The following MDGA2 variants were observed in gnomAD, a reference collection of about 807,000 sequenced individuals.
MDGA2 encodes MAM domain-containing glycosylphosphatidylinositol anchor protein 2.
A neutral mutation model predicts 117.8 loss-of-function variants in MDGA2; 40 were observed. That is an observed-to-expected ratio of 0.34 (90% CI 0.26 to 0.44). The LOEUF is 0.44. Ranked by LOEUF, MDGA2 falls within the 20% of genes least tolerant of loss-of-function variation. The pLI is 1.00. For synonymous variants in MDGA2, 452 were observed against 439.0 expected (o/e 1.03, Z -0.37); for missense variants, 1,123 against 1,250.6 (o/e 0.90, Z 1.54).
At chr14:47,615,559 C>T (rs925509266) in intron 1 of MDGA2, among the ~76,000 whole-genome samples, 1 of 152,100 alleles carries the variant, frequency 6.6e-6, no homozygotes, top group Non-Finnish European at 1.5e-5. Flanking sequence ...TTCCAATATC[C>T]TAAGCCAGTT....
intron 1 of MDGA2, among the ~76,000 whole-genome samples, chr14:47,349,223 G>A (rs1890826099): frequency 6.6e-6 from 1 of 152,208 alleles, no homozygotes; most frequent in South Asian, 2.1e-4. Flanking sequence ...TCAGAGGGCA[G>A]TAAAGTTTAC....
chr14:47,104,703 G>C (rs1204159104), intron 5 of MDGA2, among the ~76,000 whole-genome samples: 1 of 152,052 alleles, frequency 6.6e-6, no homozygotes, highest in Admixed American at 6.5e-5. Context: ...CTCAGATCGG[G>C]GGACCTCCCT....
At chr14:47,535,170 C>T (rs913830025) in intron 1 of MDGA2, among the ~76,000 whole-genome samples, 2 of 152,102 alleles carry the variant, frequency 1.3e-5, no homozygotes, top group East Asian at 3.9e-4. Flanking sequence ...TAAAAAGCAG[C>T]TATGTACATT....
chr14:47,570,646 G>A (rs1302808443), intron 1 of MDGA2, among the ~76,000 whole-genome samples: 1 of 152,082 alleles, frequency 6.6e-6, no homozygotes, highest in African/African-American at 2.4e-5. Context: ...ACAGAAACAA[G>A]CAATGGGGAA....
chr14:47,620,203 T>G (rs1238752645), intron 1 of MDGA2, among the ~76,000 whole-genome samples: 1 of 152,232 alleles, frequency 6.6e-6, no homozygotes, highest in Non-Finnish European at 1.5e-5. Context: ...GAATATTTTA[T>G]CAAACTATGA....
At chr14:47,338,817 G>C (rs147167341) in intron 1 of MDGA2, among the ~76,000 whole-genome samples, 207 of 152,174 alleles carry the variant, frequency 1.4e-3, no homozygotes, top group African/African-American at 4.9e-3. Flanking sequence ...TGAAATATTT[G>C]CAAGTATGTC....
chr14:47,068,909 G>A (rs1890178710), intron 6 of MDGA2, among the ~76,000 whole-genome samples: 1 of 152,014 alleles, frequency 6.6e-6, no homozygotes, highest in East Asian at 1.9e-4. Flanking sequence ...CGTAAGCGGT[G>A]CCCTTTCCCT....
chr14:47,611,669 C>G (rs762556834), intron 1 of MDGA2, among the ~76,000 whole-genome samples: 2 of 152,124 alleles, frequency 1.3e-5, no homozygotes, highest in Non-Finnish European at 2.9e-5. Context: ...CACTTTACTC[C>G]TGCCAAAATG....
intron 3 of MDGA2, among the ~76,000 whole-genome samples, chr14:47,164,106 A>C (rs879645374): frequency 5.3e-5 from 8 of 152,216 alleles, no homozygotes; most frequent in African/African-American, 7.2e-5. Flanking sequence ...TAGTTGATTA[A>C]TTTAAATCAG....
rs148325973 is a variant in MDGA2 at position 47,257,278 on chromosome 14, T to C, written c.421-39083A>G. ...CACACCAGTCCTCTCACAATGACAT[T>C]TTCCTCGGTAATATTTGTGTGATCT... On this transcript the variant is annotated intron_variant, in intron 2 of 16. Transcript: ENST00000399232. Among the ~76,000 whole-genome samples the C allele has an allele frequency of 1.9e-3, 283 of 152,220 alleles. 1 individual carries two copies. The highest frequency in any genetic ancestry group is 6.4e-3 in the African/African-American group (266 of 41,552).
intron 6 of MDGA2, among the ~76,000 whole-genome samples, chr14:47,063,233 C>A (rs1889957282): frequency 6.6e-6 from 1 of 152,038 alleles, no homozygotes; most frequent in African/African-American, 2.4e-5. Flanking sequence ...AAGTTTTAAT[C>A]TTAATGAAAA....
chr14:47,358,877 T>G (rs1030116979), intron 1 of MDGA2, among the ~76,000 whole-genome samples: 1 of 152,138 alleles, frequency 6.6e-6, no homozygotes, highest in African/African-American at 2.4e-5. Flanking sequence ...TGTTAAAATG[T>G]CCATACTATC....
At chr14:47,601,461 AAGAAAT>A (rs1223561613) in intron 1 of MDGA2, among the ~76,000 whole-genome samples, 3 of 152,198 alleles carry the variant, frequency 2.0e-5, no homozygotes, top group Non-Finnish European at 4.4e-5. Context: ...AAGGATTAAA[AAGAAAT>A]AGTTTAAGGT....
At chr14:47,410,240 T>C (rs1416221972) in intron 1 of MDGA2, among the ~76,000 whole-genome samples, 1 of 152,158 alleles carries the variant, frequency 6.6e-6, no homozygotes, top group Non-Finnish European at 1.5e-5. Context: ...ATGAGCCTTG[T>C]GTCTTGTAGT....
intron 7 of MDGA2, among the ~76,000 whole-genome samples, chr14:47,047,827 T>G (rs1022530811): frequency 4.0e-5 from 6 of 151,766 alleles, no homozygotes; most frequent in African/African-American, 1.2e-4. Flanking sequence ...ATAAATATAT[T>G]TATACCTATA....
chr14:47,429,297 CAT>C (rs1466132611), intron 1 of MDGA2, among the ~76,000 whole-genome samples: 1 of 151,654 alleles, frequency 6.6e-6, no homozygotes, highest in African/African-American at 2.4e-5. Context: ...TATATACACA[CAT>C]ATATATTTTT....
At chr14:47,063,808 A>G (rs1454149927) in intron 6 of MDGA2, among the ~76,000 whole-genome samples, 2 of 151,970 alleles carry the variant, frequency 1.3e-5, no homozygotes, top group African/African-American at 4.8e-5. Flanking sequence ...ATCTTTTAGA[A>G]TAGTTTTCAT....
chr14:47,120,065 C>A (rs1052703501), intron 5 of MDGA2, among the ~76,000 whole-genome samples: 1 of 152,188 alleles, frequency 6.6e-6, no homozygotes, highest in Non-Finnish European at 1.5e-5. Flanking sequence ...AGACACTACA[C>A]TACCCAGTGA....
chr14:47,326,832 G>A (rs919225006), intron 1 of MDGA2, among the ~76,000 whole-genome samples: 1 of 152,176 alleles, frequency 6.6e-6, no homozygotes, highest in South Asian at 2.1e-4. Context: ...GTTAAATAAT[G>A]TATTGTTCCT....
Sources: allele counts gnomAD v4.1 joint callset (sites outside exome capture counted in the v4.1 genomes callset), GRCh38; gene constraint gnomAD v4.1.1; transcripts MANE v1.5; gene names NCBI Gene and HGNC (gene_info 2026-07-23, HGNC 2026-07-21).